AARS1: variants seen among roughly 807,000 people sequenced by gnomAD.
AARS1 encodes alanine--tRNA ligase, cytoplasmic.
AARS1 carries 72 observed loss-of-function variants against 108.9 expected under a neutral mutation model. That is an observed-to-expected ratio of 0.66 (90% CI 0.55 to 0.80). The LOEUF (loss-of-function observed/expected upper bound fraction) is 0.80, where lower values mean the gene tolerates loss of function less well. Among genes scored for constraint, AARS1 ranks in the 30% least tolerant of loss-of-function variants. The pLI is 0.00. For synonymous variants in AARS1, 489 were observed against 465.7 expected, an observed-to-expected ratio of 1.05 and a Z score of -0.64; for missense variants, 1,193 against 1,233.2, an observed-to-expected ratio of 0.97 and a Z score of 0.49.
chr16:70,276,412 G>A (rs1260119090), intron 4 of AARS1, 74 bp downstream of exon 4: 1 of 1,529,994 alleles, frequency 6.5e-7, no homozygotes, highest in East Asian at 2.3e-5. Flanking sequence ...CATATTCCAG[G>A]TCATAAAACC....
At chr16:70,278,529 T>C (rs919391399) in intron 2 of AARS1, among the ~76,000 whole-genome samples, 5 of 149,164 alleles carry the variant, frequency 3.4e-5, no homozygotes, top group African/African-American at 5.0e-5. Flanking sequence ...CGTGCCACTC[T>C]ACTCCAGCCT....
chr16:70,288,332 A>AT (rs1382241013), intron 1 of AARS1, among the ~76,000 whole-genome samples: 1 of 142,232 alleles, frequency 7.0e-6, no homozygotes, highest in Non-Finnish European at 1.5e-5. Context: ...GATGGTCTCA[A>AT]TCTCCTGACC....
At chr16:70,270,442 T>C in intron 5 of AARS1, 102 bp from the exon 6 acceptor site, 1 of 1,469,364 alleles carries the variant, frequency 6.8e-7, no homozygotes, top group Non-Finnish European at 9.5e-7. Context: ...TTGCAGGCTG[T>C]GACCATCTGC....
In AARS1 at chr16:70,265,003, C is replaced by T; in HGVS notation, c.1447G>A (p.Asp483Asn). 6.2e-7 allele frequency: 1 copy of T among 1,614,160 alleles called. No homozygotes were observed. Among genetic ancestry groups the T allele is most frequent in the Non-Finnish European group, 8.5e-7 (1 of 1,180,036 alleles). The change falls in exon 11 of 21, where the codon GAT becomes AAT. Residue 483 changes from aspartate to asparagine, a missense_variant. Transcript: ENST00000261772. ...AAATGGTAATTGTACTTTGGGGAAT[C>T]ATCTGTGACCTCCAGACCCCGTGCC... ...LRARGLEVTD[D>N]SPKYNYHLDS...
intron 9 of AARS1, among the ~76,000 whole-genome samples, chr16:70,267,356 G>C (rs1212804087): frequency 6.6e-6 from 1 of 151,896 alleles, no homozygotes; most frequent in South Asian, 2.1e-4. Flanking sequence ...TGCAAACAGA[G>C]AAGAATCCTG....
chr16:70,262,295 C>A, intron 12 of AARS1, 51 bp downstream of exon 12: 1 of 1,610,608 alleles, frequency 6.2e-7, no homozygotes, highest in South Asian at 1.1e-5. Context: ...AGCAGCTCCC[C>A]GGCTCCACGC....
At chr16:70,283,674 C>G (rs1400913791) in intron 1 of AARS1, among the ~76,000 whole-genome samples, 2 of 152,140 alleles carry the variant, frequency 1.3e-5, no homozygotes, top group African/African-American at 4.8e-5. Flanking sequence ...CATGGTGAGG[C>G]GGCTGTCAGC....
At chr16:70,264,523 G>A (rs912719826) in intron 11 of AARS1, among the ~76,000 whole-genome samples, 12 of 151,860 alleles carry the variant, frequency 7.9e-5, no homozygotes, top group African/African-American at 1.9e-4. Flanking sequence ...CATCATGTTG[G>A]TCAGGCTGGT....
chr16:70,276,671 A>G (rs751386905), intron 3 of AARS1, 40 bp from the exon 4 acceptor site: 23 of 1,609,538 alleles, frequency 1.4e-5, no homozygotes, highest in South Asian at 7.7e-5. Flanking sequence ...AACATTGCCA[A>G]ACCAAAATCT....
intron 19 of AARS1, 136 bp from the exon 20 acceptor site, chr16:70,253,517 G>A: frequency 2.9e-6 from 3 of 1,027,428 alleles, no homozygotes; most frequent in South Asian, 1.3e-5. Flanking sequence ...GGCCTGTGGG[G>A]AGGACCCCAG....
intron 4 of AARS1, 170 bp downstream of exon 4, chr16:70,276,316 C>T (rs988815723): frequency 5.1e-5 from 36 of 702,026 alleles, no homozygotes; most frequent in Admixed American, 4.6e-4. Context: ...GTCACTGCAA[C>T]CTCCACCTCC....
intron 16 of AARS1, 77 bp downstream of exon 16, chr16:70,255,651 T>C: frequency 5.5e-6 from 7 of 1,277,728 alleles, no homozygotes; most frequent in Non-Finnish European, 6.8e-6. Context: ...CGCAGAGCAG[T>C]GTTTGCTCTA....
intron 7 of AARS1, among the ~76,000 whole-genome samples, chr16:70,268,973 G>A (rs6499309): frequency 0.071 from 10,848 of 152,122 alleles, 1,286 homozygotes; most frequent in African/African-American, 0.25. Context: ...TTGGGAGGTC[G>A]TAGCAGGTGG....
Position 70,253,248 on chromosome 16 carries a change from T to C in AARS1, c.2721+20A>G, listed in dbSNP as rs1445773616. On this transcript the variant is annotated intron_variant, in intron 20 of 20. Transcript: ENST00000261772. Reference sequence around the variant, plus strand: ...AACCTTAAGACCTAACACTTCCCACTGGTGCGAGGTGGTGCTGACCTGGGG... The same window carrying C: ...AACCTTAAGACCTAACACTTCCCACCGGTGCGAGGTGGTGCTGACCTGGGG... 1.3e-6 allele frequency: 2 copies of C among 1,570,226 alleles called. No homozygotes were observed. The highest frequency in any genetic ancestry group is 1.8e-6 in the Non-Finnish European group (2 of 1,140,466).
intron 2 of AARS1, among the ~76,000 whole-genome samples, chr16:70,281,659 G>A (rs1015727864): frequency 6.6e-6 from 1 of 151,932 alleles, no homozygotes; most frequent in Non-Finnish European, 1.5e-5. Flanking sequence ...GCGAGACTCT[G>A]TCTCAAAACA....
chr16:70,267,183 C>T (rs1462092395), intron 9 of AARS1, among the ~76,000 whole-genome samples: 5 of 152,192 alleles, frequency 3.3e-5, no homozygotes, highest in Non-Finnish European at 5.9e-5. Context: ...TGTGAAAATT[C>T]ATCAAGCTTT....
intron 9 of AARS1, among the ~76,000 whole-genome samples, chr16:70,266,711 G>A (rs980359095): frequency 2.3e-4 from 35 of 151,968 alleles, no homozygotes; most frequent in African/African-American, 7.7e-4. Flanking sequence ...TAGTAGAGAT[G>A]GGGTTTTACC....
intron 8 of AARS1, 80 bp from the exon 9 acceptor site, chr16:70,267,889 TGGG>T (rs1960301927): frequency 6.3e-7 from 1 of 1,590,814 alleles, no homozygotes; most frequent in Non-Finnish European, 8.6e-7. Context: ...GCTCCTTAGC[TGGG>T]TGCAGTGGCT....
Position 70,282,918 on chromosome 16 carries a change from T to C in AARS1, c.-21-134A>G, listed in dbSNP as rs1401892425. Reference sequence around the variant, plus strand: ...GCTGTTTGATCCTAAAACCTCTATGTTGTAATGTCCAAGGCTAAAATCATC... The same window carrying C: ...GCTGTTTGATCCTAAAACCTCTATGCTGTAATGTCCAAGGCTAAAATCATC... On this transcript the variant is annotated intron_variant, in intron 1 of 20. Coordinates refer to ENST00000261772, the MANE Select transcript of AARS1 (RefSeq NM_001605.3). The C allele has an allele frequency of 3.6e-6, 3 of 838,222 alleles. No individual in the cohort carries two copies. In the East Asian group the frequency reaches 7.7e-5, roughly 21 times the overall value. The allele number at this position is 838,222 out of a possible 1,614,324, so 51.9% of individuals were successfully genotyped here.
Sources: allele counts gnomAD v4.1 joint callset (sites outside exome capture counted in the v4.1 genomes callset), GRCh38; gene constraint gnomAD v4.1.1; transcripts MANE v1.5; gene names NCBI Gene and HGNC (gene_info 2026-07-23, HGNC 2026-07-21).